The following JAM2 variants were observed in gnomAD, a reference collection of about 807,000 sequenced individuals.
The protein encoded by JAM2 is junctional adhesion molecule 2.
A neutral mutation model predicts 42.0 loss-of-function variants in JAM2; 17 were observed. The observed-to-expected ratio is 0.40, with a 90% CI of 0.28 to 0.61. The LOEUF (loss-of-function observed/expected upper bound fraction) is 0.61. JAM2 is among the 20% of genes least tolerant of loss of function. The probability of loss-of-function intolerance (pLI) is 0.37; values close to 1 mark genes in which losing one functional copy is unlikely to be tolerated. For synonymous variants in JAM2, 118 were observed against 128.6 expected (o/e 0.92, Z 0.56); for missense variants, 319 against 358.3 (o/e 0.89, Z 0.89).
At chr21:25,658,104 C>A (rs1475997559) in intron 1 of JAM2, among the ~76,000 whole-genome samples, 1 of 152,070 alleles carries the variant, frequency 6.6e-6, no homozygotes, top group Non-Finnish European at 1.5e-5. Flanking sequence ...GAAAGGGTAA[C>A]TGTAAGGCAG....
chr21:25,684,366 A>G (rs1179279208), intron 2 of JAM2, among the ~76,000 whole-genome samples: 2 of 152,196 alleles, frequency 1.3e-5, no homozygotes, highest in Admixed American at 6.5e-5. Flanking sequence ...CTTCTTAAAA[A>G]TGTTTATAAG....
At chr21:25,666,385 C>T (rs141342697) in intron 1 of JAM2, among the ~76,000 whole-genome samples, 8,329 of 150,650 alleles carry the variant, frequency 0.055, 251 homozygotes, top group Middle Eastern at 0.09. Flanking sequence ...AGTGCAATGG[C>T]GCGATCTCTG....
chr21:25,714,640 G>T lies in JAM2; in HGVS notation c.865G>T (p.Asp289Tyr). 1 of 1,492,592 alleles carries T rather than the reference G, an allele frequency of 6.7e-7. No homozygotes were observed. The allele number at this position is 1,492,592 out of a possible 1,614,324, so 92.5% of individuals were successfully genotyped here. A position where few individuals can be genotyped will look rare whatever the true frequency, so the allele number is the denominator to read the frequency against. Residue 289 changes from aspartate (D) to tyrosine (Y), a missense_variant and splice_region_variant, in exon 10 of 10, where the codon GAT (aspartate) becomes TAT (tyrosine). Coordinates refer to ENST00000480456, the MANE Select transcript of JAM2 (RefSeq NM_021219.4). ...ACCTGTTTTTTCTTTCTTTTCCTAG[G>T]ATTTCAAGCACACAAAATCCTTTAT... ...SSKATTMSENDFKHTKSFII is the reference protein window; with the variant it reads ...SSKATTMSENYFKHTKSFII
intron 1 of JAM2, among the ~76,000 whole-genome samples, chr21:25,675,868 C>T (rs1358611508): frequency 1.3e-5 from 2 of 152,118 alleles, no homozygotes; most frequent in East Asian, 1.9e-4. Context: ...AATTGTCTTT[C>T]AGTAACTATC....
At chr21:25,711,305 G>A in intron 8 of JAM2, 1 of 372,792 alleles carries the variant, frequency 2.7e-6, no homozygotes, top group South Asian at 2.0e-5. Flanking sequence ...ATATGGGTGA[G>A]CTCCCCAACG....
intron 1 of JAM2, among the ~76,000 whole-genome samples, chr21:25,666,635 C>T (rs34812072): frequency 2.6e-5 from 4 of 152,160 alleles, no homozygotes; most frequent in South Asian, 2.1e-4. Context: ...CTCTTGGGCT[C>T]GAGTGATCCT....
intron 1 of JAM2, among the ~76,000 whole-genome samples, chr21:25,679,664 C>T (rs972631907): frequency 8.5e-5 from 13 of 152,242 alleles, no homozygotes; most frequent in African/African-American, 3.1e-4. Context: ...TCTGGGGTTA[C>T]GTTGGTGTCC....
chr21:25,657,345 G>A (rs60538311), intron 1 of JAM2, among the ~76,000 whole-genome samples: 1 of 152,208 alleles, frequency 6.6e-6, no homozygotes, highest in South Asian at 2.1e-4. Context: ...AAGAGTATTA[G>A]TCACATCTTC....
At chr21:25,652,719 G>A (rs2032816108) in intron 1 of JAM2, among the ~76,000 whole-genome samples, 1 of 152,118 alleles carries the variant, frequency 6.6e-6, no homozygotes, top group African/African-American at 2.4e-5. Context: ...GTCCTATAAT[G>A]TTCTATCTGA....
chr21:25,654,661 A>AG (rs2032879167), intron 1 of JAM2, among the ~76,000 whole-genome samples: 1 of 151,710 alleles, frequency 6.6e-6, no homozygotes. Flanking sequence ...AAAAAAAAAA[A>AG]AAAAAAAATT....
chr21:25,651,722 A>G (rs755724215), intron 1 of JAM2, among the ~76,000 whole-genome samples: 2 of 152,234 alleles, frequency 1.3e-5, no homozygotes, highest in Non-Finnish European at 2.9e-5. Context: ...TATTATAAAA[A>G]TGATTGAAAA....
In JAM2 at chr21:25,664,847, A is replaced by G. The variant is rs890348964; in HGVS notation, c.68-19036A>G. ...AGAACTTTGTTTAACTTGTTAACCC[A>G]GTCTTTCTCAACCCAGTGTTTCTTT... On this transcript the variant is annotated intron_variant, in intron 1 of 9. Coordinates refer to ENST00000480456, the MANE Select transcript of JAM2 (RefSeq NM_021219.4). 5.3e-5 allele frequency among the ~76,000 whole-genome samples: 8 copies of G among 152,230 alleles called. No individual in the cohort carries two copies. In the East Asian group the frequency reaches 1.5e-3, roughly 29 times the overall value.
At chr21:25,688,016 G>A (rs562905707) in intron 2 of JAM2, among the ~76,000 whole-genome samples, 13 of 152,224 alleles carry the variant, frequency 8.5e-5, no homozygotes, top group African/African-American at 2.6e-4. Context: ...TCTTTGTTTC[G>A]TTCACTGATA....
intron 1 of JAM2, chr21:25,644,282 A>G (rs2032537738): frequency 6.6e-6 from 1 of 152,280 alleles, no homozygotes; most frequent in Non-Finnish European, 1.5e-5. Flanking sequence ...AAACAAAACA[A>G]TACAAATTGA....
intron 7 of JAM2, among the ~76,000 whole-genome samples, chr21:25,707,074 T>C (rs2829873): frequency 0.14 from 20,612 of 152,184 alleles, 1,833 homozygotes; most frequent in African/African-American, 0.25. Context: ...TATCTCAAGA[T>C]ATAAGTTGAT....
chr21:25,690,729 C>T (rs1266954868), intron 3 of JAM2, among the ~76,000 whole-genome samples: 1 of 152,060 alleles, frequency 6.6e-6, no homozygotes, highest in Non-Finnish European at 1.5e-5. Flanking sequence ...AATGCTGTCA[C>T]CCTATTTCCT....
intron 1 of JAM2, among the ~76,000 whole-genome samples, chr21:25,682,858 G>A (rs756745822): frequency 1.3e-5 from 2 of 151,992 alleles, no homozygotes; most frequent in South Asian, 2.1e-4. Context: ...TCCAGAGGCC[G>A]AATACTTCTC....
intron 8 of JAM2, chr21:25,709,712 A>G: frequency 3.3e-6 from 1 of 299,166 alleles, no homozygotes; most frequent in Middle Eastern, 9.8e-4. Context: ...TGGCACCAAC[A>G]CTGCTTGGCT....
chr21:25,666,344 A>C (rs2033222084), intron 1 of JAM2, among the ~76,000 whole-genome samples: 1 of 71,504 alleles, frequency 1.4e-5, no homozygotes, highest in Admixed American at 1.4e-4. Flanking sequence ...TTATTATTTG[A>C]GAAGGAGTCT....
Sources: allele counts gnomAD v4.1 joint callset (sites outside exome capture counted in the v4.1 genomes callset), GRCh38; gene constraint gnomAD v4.1.1; transcripts MANE v1.5; gene names NCBI Gene and HGNC (gene_info 2026-07-23, HGNC 2026-07-21).